The following AUTS2 variants were observed in gnomAD, a reference collection of about 807,000 sequenced individuals.
AUTS2 encodes the protein activator of transcription and developmental regulator AUTS2.
Under a neutral mutation model 112.4 loss-of-function variants are expected in AUTS2, and 17 were observed. That is an observed-to-expected ratio of 0.15 (90% confidence interval 0.10 to 0.23). AUTS2 has a LOEUF of 0.23. Among genes scored for constraint, AUTS2 ranks in the 10% least tolerant of loss-of-function variants. AUTS2 has a pLI of 1.00. For missense variants in AUTS2, 1,510 were observed against 1,701.6 expected (o/e 0.89, Z 1.98); for synonymous variants, 751 against 702.7 (o/e 1.07, Z -1.09).
intron 4 of AUTS2, among the ~76,000 whole-genome samples, chr7:70,401,122 G>T (rs1794308925): frequency 6.6e-6 from 1 of 152,130 alleles, no homozygotes. Context: ...GAATGTGAGG[G>T]AGAAATGGGA....
chr7:69,861,686 C>G (rs1792990581), intron 1 of AUTS2, among the ~76,000 whole-genome samples: 1 of 152,082 alleles, frequency 6.6e-6, no homozygotes, highest in African/African-American at 2.4e-5. Context: ...AATTAATTAC[C>G]TCATCTGGAG....
chr7:69,724,492 T>C (rs1584138015), intron 1 of AUTS2, among the ~76,000 whole-genome samples: 1 of 152,326 alleles, frequency 6.6e-6, no homozygotes, highest in East Asian at 1.9e-4. Flanking sequence ...ACTGCTGTTG[T>C]CTTGTGCTCT....
At chr7:70,549,699 A>T (rs191589554) in intron 5 of AUTS2, among the ~76,000 whole-genome samples, 36 of 152,328 alleles carry the variant, frequency 2.4e-4, no homozygotes, top group African/African-American at 7.9e-4. Context: ...CTCTTAAAAA[A>T]TTTTTTAAAA....
chr7:69,623,373 G>C (rs11983891), intron 1 of AUTS2, among the ~76,000 whole-genome samples: 30 of 141,392 alleles, frequency 2.1e-4, no homozygotes, highest in Admixed American at 5.2e-4. Flanking sequence ...CCACCACCAC[G>C]CCCAGCAATT....
intron 2 of AUTS2, among the ~76,000 whole-genome samples, chr7:70,033,259 A>T (rs561805330): frequency 1.3e-3 from 192 of 152,326 alleles, no homozygotes; most frequent in Non-Finnish European, 2.5e-3. Context: ...AAATGAAATG[A>T]CCAAAAGGGG....
chr7:69,838,569 A>C (rs1035832078), intron 1 of AUTS2, among the ~76,000 whole-genome samples: 5 of 152,142 alleles, frequency 3.3e-5, no homozygotes, highest in African/African-American at 1.2e-4. Context: ...GTATCACTAC[A>C]CTGTAGCTTG....
At chr7:69,907,667 G>C (rs1795200475) in intron 2 of AUTS2, among the ~76,000 whole-genome samples, 1 of 152,186 alleles carries the variant, frequency 6.6e-6, no homozygotes, top group Non-Finnish European at 1.5e-5. Flanking sequence ...GTCTGCCATT[G>C]GTTGGATCCA....
intron 6 of AUTS2, among the ~76,000 whole-genome samples, chr7:70,757,625 T>C (rs1405811567): frequency 6.6e-6 from 1 of 151,992 alleles, no homozygotes; most frequent in Non-Finnish European, 1.5e-5. Flanking sequence ...TTATATTTTT[T>C]CATAAAATCC....
chr7:69,899,848 G>A (rs1246956872), intron 2 of AUTS2, among the ~76,000 whole-genome samples: 1 of 152,170 alleles, frequency 6.6e-6, no homozygotes. Context: ...GGAACAGGTG[G>A]ATTTCATCAC....
intron 4 of AUTS2, among the ~76,000 whole-genome samples, chr7:70,186,936 A>G (rs1008132682): frequency 6.6e-6 from 1 of 152,152 alleles, no homozygotes; most frequent in African/African-American, 2.4e-5. Context: ...GTTTATCCCT[A>G]TTTTTTAGAT....
chr7:70,355,522 C>T (rs1486000245), intron 4 of AUTS2, among the ~76,000 whole-genome samples: 1 of 152,116 alleles, frequency 6.6e-6, no homozygotes, highest in Non-Finnish European at 1.5e-5. Flanking sequence ...CCTTTCCAAT[C>T]CTTGTCCACC....
In AUTS2 at chr7:70,766,389, T is replaced by A; in HGVS notation, c.1689+55T>A. ...AAGTAGAGCACGACTCTTTTCTTTA[T>A]GCAGCACGTGGGACCGGGCTGGGCA... On this transcript the variant is annotated intron_variant, in intron 9 of 18. Transcript: ENST00000342771. The surrounding 1 kb of genome is among the most constrained non-coding windows in gnomAD (Gnocchi z 4.8). 1 of 1,594,318 alleles carries A rather than the reference T, an allele frequency of 6.3e-7. No homozygotes were observed. Among genetic ancestry groups the A allele is most frequent in the Non-Finnish European group, 8.6e-7 (1 of 1,167,540 alleles).
chr7:70,237,888 T>G (rs1812409072), intron 4 of AUTS2, among the ~76,000 whole-genome samples: 2 of 152,184 alleles, frequency 1.3e-5, no homozygotes, highest in Admixed American at 1.3e-4. Context: ...GTAAATACAC[T>G]CGGAGCGATT....
At chr7:70,203,701 GTA>G (rs1423208788) in intron 4 of AUTS2, among the ~76,000 whole-genome samples, 18 of 146,962 alleles carry the variant, frequency 1.2e-4, no homozygotes, top group African/African-American at 4.0e-4. Context: ...AAGTATGGTG[GTA>G]TAGTGAGTGG....
chr7:70,553,055 C>A (rs1181606926), intron 5 of AUTS2, among the ~76,000 whole-genome samples: 1 of 152,212 alleles, frequency 6.6e-6, no homozygotes, highest in Admixed American at 6.5e-5. Flanking sequence ...CGTACTCTCT[C>A]TAGACCCCAG....
At chr7:70,483,434 T>G (rs1357565103) in intron 5 of AUTS2, among the ~76,000 whole-genome samples, 3 of 152,166 alleles carry the variant, frequency 2.0e-5, no homozygotes, top group Non-Finnish European at 2.9e-5. Context: ...GGACTGCAAA[T>G]GCCCATGACT....
chr7:70,514,800 G>T (rs1799348849), intron 5 of AUTS2, among the ~76,000 whole-genome samples: 1 of 152,164 alleles, frequency 6.6e-6, no homozygotes, highest in African/African-American at 2.4e-5. Flanking sequence ...ATATCTTGCT[G>T]AACATTGACT....
intron 4 of AUTS2, among the ~76,000 whole-genome samples, chr7:70,321,803 A>C (rs1285874837): frequency 6.6e-6 from 1 of 152,192 alleles, no homozygotes; most frequent in Non-Finnish European, 1.5e-5. Context: ...TGGTCAGGTG[A>C]ATTTATTATT....
intron 18 of AUTS2, 70 bp from the exon 19 acceptor site, chr7:70,789,678 G>T: frequency 1.3e-6 from 2 of 1,528,046 alleles, no homozygotes; most frequent in Non-Finnish European, 1.8e-6. Context: ...CATTTCACCC[G>T]CAGCCCCTGG....
Sources: allele counts gnomAD v4.1 joint callset (sites outside exome capture counted in the v4.1 genomes callset), GRCh38; gene constraint gnomAD v4.1.1; non-coding constraint Gnocchi (gnomAD v3.1); transcripts MANE v1.5; gene names NCBI Gene and HGNC (gene_info 2026-07-23, HGNC 2026-07-21).